Variants in PITPNM2 observed in about 807,000 individuals in gnomAD.
PITPNM2 encodes the protein membrane-associated phosphatidylinositol transfer protein 2.
A neutral mutation model predicts 132.2 loss-of-function variants in PITPNM2; 35 were observed. The ratio of observed to expected loss-of-function variants is 0.26; its 90% CI spans 0.20 to 0.35. The LOEUF is 0.35. Among genes scored for constraint, PITPNM2 ranks in the 10% least tolerant of loss-of-function variants. The pLI, the probability that PITPNM2 is intolerant of heterozygous loss-of-function variation, is 1.00. For synonymous variants in PITPNM2, 738 were observed against 799.2 expected, an observed-to-expected ratio of 0.92 and a Z score of 1.29; for missense variants, 1,332 against 1,912.0, an observed-to-expected ratio of 0.70 and a Z score of 5.66.
chr12:123,047,159 G>A (rs950114704), intron 2 of PITPNM2, among the ~76,000 whole-genome samples: 9 of 152,216 alleles, frequency 5.9e-5, no homozygotes, highest in South Asian at 4.1e-4. Flanking sequence ...GTATTGATGC[G>A]TGAAAGGTGG....
intron 2 of PITPNM2, among the ~76,000 whole-genome samples, chr12:123,056,251 G>A (rs948986754): frequency 6.6e-6 from 1 of 152,208 alleles, no homozygotes; most frequent in Non-Finnish European, 1.5e-5. Context: ...CATGACAGTG[G>A]CCTCAGAGTA....
chr12:123,004,720 G>A lies in PITPNM2; in HGVS notation c.953-231C>T, dbSNP rs1234701976. ...GGCAGTCATGTCCCGGGGAGCATGGGTGGGGAAGAGCATGACAGACATAAG... is the reference window on the plus strand; with the variant it reads ...GGCAGTCATGTCCCGGGGAGCATGGATGGGGAAGAGCATGACAGACATAAG... On this transcript the variant is annotated intron_variant, in intron 7 of 25. Coordinates refer to ENST00000320201, the MANE Select transcript of PITPNM2 (RefSeq NM_020845.3). The surrounding 1 kb of genome is among the most constrained non-coding windows in gnomAD (Gnocchi z 4.9). 9.9e-6 allele frequency: 6 copies of A among 605,006 alleles called. No homozygotes were observed. Among genetic ancestry groups the A allele is most frequent in the Non-Finnish European group, 1.5e-5 (5 of 337,146 alleles). 37.5% of individuals were successfully genotyped at this position (605,006 alleles called of 1,614,324 possible).
At chr12:123,045,936 C>T (rs538968377) in intron 2 of PITPNM2, among the ~76,000 whole-genome samples, 2 of 152,168 alleles carry the variant, frequency 1.3e-5, no homozygotes, top group African/African-American at 4.8e-5. Flanking sequence ...GGGGTACAGA[C>T]CCAGCCGTCC....
chr12:123,118,987 G>A (rs1203405981), intron 1 of PITPNM2, among the ~76,000 whole-genome samples: 5 of 152,314 alleles, frequency 3.3e-5, no homozygotes, highest in Admixed American at 1.3e-4. Flanking sequence ...TGTCCGTGTG[G>A]CCTGTGTCCA....
Position 123,082,153 on chromosome 12 carries a change from G to GGCTCT in PITPNM2, c.-96+28227_-96+28231dup, listed in dbSNP as rs2041983022. The stretch of plus-strand genomic sequence containing the variant: ...CACCCACTCAGAGTGAGGGCCTGCA[G>GGCTCT]GCTCTGCCCTGCCACCTCTCCGCCC... On this transcript the variant is annotated intron_variant, in intron 2 of 25. Coordinates refer to ENST00000320201, the MANE Select transcript of PITPNM2 (RefSeq NM_020845.3). This position sits in a 1 kb window ranked among gnomAD's most constrained non-coding sequence, Gnocchi z 5.4. Among the ~76,000 whole-genome samples the GGCTCT allele has an allele frequency of 6.6e-6, 1 of 152,184 alleles. No individual in the cohort carries two copies. Among genetic ancestry groups the GGCTCT allele is most frequent in the Non-Finnish European group, 1.5e-5 (1 of 68,042 alleles).
At chr12:123,068,303 TA>T (rs1271185490) in intron 2 of PITPNM2, among the ~76,000 whole-genome samples, 1 of 151,880 alleles carries the variant, frequency 6.6e-6, no homozygotes. Flanking sequence ...CCGTCTCTAC[TA>T]AAAATACAAA....
intron 1 of PITPNM2, among the ~76,000 whole-genome samples, chr12:123,116,780 C>T (rs998165237): frequency 2.0e-5 from 3 of 152,016 alleles, no homozygotes; most frequent in Non-Finnish European, 2.9e-5. Context: ...CCTTGCCCAA[C>T]GGGTGATGAG....
chr12:123,004,250 T>G lies in PITPNM2; in HGVS notation c.1048+144A>C. The stretch of plus-strand genomic sequence containing the variant: ...TGCCCCAAACACCAGGCTGTCCACC[T>G]GGGACAGTGCAGGTATAGGGACTGG... On this transcript the variant is annotated intron_variant, in intron 8 of 25. Coordinates refer to ENST00000320201, the MANE Select transcript of PITPNM2 (RefSeq NM_020845.3). This position sits in a 1 kb window ranked among gnomAD's most constrained non-coding sequence, Gnocchi z 4.9. 2 of 734,172 alleles carry G rather than the reference T, an allele frequency of 2.7e-6. No homozygotes were observed. The highest frequency in any genetic ancestry group is 2.3e-6 in the Non-Finnish European group (1 of 435,214). The allele number at this position is 734,172 out of a possible 1,614,324, so 45.5% of individuals were successfully genotyped here.
At chr12:122,989,185 C>T (rs942644039) in intron 18 of PITPNM2, among the ~76,000 whole-genome samples, 1 of 152,172 alleles carries the variant, frequency 6.6e-6, no homozygotes, top group Non-Finnish European at 1.5e-5. Context: ...CCCTCTGCCC[C>T]GTGGCAACCC....
At chr12:123,128,397 C>T (rs1208204121) in intron 1 of PITPNM2, among the ~76,000 whole-genome samples, 8 of 142,206 alleles carry the variant, frequency 5.6e-5, no homozygotes, top group Non-Finnish European at 1.1e-4. Flanking sequence ...AGCTAAATCA[C>T]GCCACTGCAC....
rs912147155 is a variant in PITPNM2, at chr12:122,990,671, G to A, written c.2443C>T (p.His815Tyr). The A allele has an allele frequency of 3.7e-6, 6 of 1,611,518 alleles. No homozygotes were observed. The highest frequency in any genetic ancestry group is 5.1e-6 in the Non-Finnish European group (6 of 1,179,794). ...GTGCCCGGCGAGGAGGGGGCGCCATGCTCTTGGAAGGCTGCATTGTGGGTC... is the reference window on the plus strand; with the variant it reads ...GTGCCCGGCGAGGAGGGGGCGCCATACTCTTGGAAGGCTGCATTGTGGGTC... ...LQTHNAAFQE[H>Y]GAPSSPGTAP... The change falls in exon 17 of 26, where the codon CAT becomes TAT. Residue 815 changes from histidine to tyrosine, a missense_variant. This residue lies in a region of PITPNM2 where 710 missense variants were observed against 911.5 expected (regional missense o/e 0.78). Transcript: ENST00000320201.
Position 122,987,550 on chromosome 12 carries a change from CG to C in PITPNM2, c.3223del (p.Arg1075AlafsTer76). 6.2e-7 allele frequency: 1 copy of C among 1,613,796 alleles called. No individual in the cohort carries two copies. The highest frequency in any genetic ancestry group is 8.5e-7 in the Non-Finnish European group (1 of 1,179,910). ...RVSYTIPESHRLGVGVYPIKM... is the reference protein window; with the variant it reads ...RVSYTIPESHXLGVGVYPIKM... Reference sequence around the variant, plus strand: ...GATAGGGTAGACACCCACGCCCAGGCGGTGCGACTCAGGGATGGTGTAGGAG... The same window carrying C: ...GATAGGGTAGACACCCACGCCCAGGCGTGCGACTCAGGGATGGTGTAGGAG... On this transcript the variant is annotated frameshift_variant, in exon 22 of 26. Transcript: ENST00000320201. LOFTEE classifies it high-confidence loss of function.
chr12:122,989,753 A>AC, intron 18 of PITPNM2, 34 bp downstream of exon 18: 1 of 1,352,848 alleles, frequency 7.4e-7, no homozygotes, highest in Non-Finnish European at 9.6e-7. Context: ...CAGCAGAGTG[A>AC]CCCCCAGTGA....
intron 1 of PITPNM2, among the ~76,000 whole-genome samples, chr12:123,138,492 A>G (rs185327188): frequency 1.1e-3 from 172 of 152,314 alleles, no homozygotes; most frequent in Non-Finnish European, 2.1e-3. Flanking sequence ...ATTTTACCAC[A>G]AAAAAAGGAA....
chr12:123,052,085 T>G (rs1231366085), intron 2 of PITPNM2, among the ~76,000 whole-genome samples: 5 of 147,730 alleles, frequency 3.4e-5, no homozygotes, highest in Non-Finnish European at 6.0e-5. Flanking sequence ...TTGTTTTTTT[T>G]TTTTTTTTTT....
chr12:122,987,714 C>T (rs1353444680), intron 21 of PITPNM2, 55 bp from the exon 22 acceptor site: 2 of 1,611,312 alleles, frequency 1.2e-6, no homozygotes, highest in East Asian at 4.5e-5. Context: ...CCACCCCCTG[C>T]ACCCCGGCCA....
intron 5 of PITPNM2, among the ~76,000 whole-genome samples, chr12:123,010,478 T>G (rs1244579280): frequency 6.6e-6 from 1 of 152,060 alleles, no homozygotes; most frequent in Non-Finnish European, 1.5e-5. Context: ...GAGGAAACAC[T>G]GGGGAGATGA....
intron 16 of PITPNM2, among the ~76,000 whole-genome samples, chr12:122,991,159 CAG>C (rs906340936): frequency 2.6e-5 from 4 of 152,216 alleles, no homozygotes; most frequent in Non-Finnish European, 5.9e-5. Context: ...ATGCAGAGCA[CAG>C]AGAGAGGCAA....
chr12:123,066,679 C>A (rs1221942517), intron 2 of PITPNM2, among the ~76,000 whole-genome samples: 1 of 152,206 alleles, frequency 6.6e-6, no homozygotes, highest in Non-Finnish European at 1.5e-5. Context: ...GTTTGCCCCA[C>A]TGGGACTCAA....
Sources: allele counts gnomAD v4.1 joint callset (sites outside exome capture counted in the v4.1 genomes callset), GRCh38; gene constraint gnomAD v4.1.1; regional missense constraint gnomAD v4.1.1; non-coding constraint Gnocchi (gnomAD v3.1); transcripts MANE v1.5; gene names NCBI Gene and HGNC (gene_info 2026-07-23, HGNC 2026-07-21).